Variants in CAB39L observed in about 807,000 individuals in gnomAD.
The protein encoded by CAB39L is calcium-binding protein 39-like.
A neutral mutation model predicts 39.1 loss-of-function variants in CAB39L; 23 were observed. The observed-to-expected ratio is 0.59, with a 90% confidence interval of 0.42 to 0.83. CAB39L has a LOEUF of 0.83. Ranked by LOEUF, CAB39L falls within the 40% of genes least tolerant of loss-of-function variation. The pLI is 0.00. For missense variants in CAB39L, 366 were observed against 391.9 expected, an observed-to-expected ratio of 0.93 and a Z score of 0.56; for synonymous variants, 126 against 137.2, an observed-to-expected ratio of 0.92 and a Z score of 0.57.
At chr13:49,312,817 A>C (rs1362730187) in intron 10 of CAB39L, among the ~76,000 whole-genome samples, 2 of 152,172 alleles carry the variant, frequency 1.3e-5, no homozygotes. Flanking sequence ...TAACATAACA[A>C]ATCCAGTATA....
At chr13:49,408,690 G>A (rs188624735) in intron 3 of CAB39L, among the ~76,000 whole-genome samples, 1 of 152,178 alleles carries the variant, frequency 6.6e-6, no homozygotes, top group East Asian at 1.9e-4. Flanking sequence ...AATTAGTTGG[G>A]TGTGGTGGTA....
At chr13:49,428,722 G>T (rs969373832) in intron 3 of CAB39L, among the ~76,000 whole-genome samples, 1 of 152,104 alleles carries the variant, frequency 6.6e-6, no homozygotes, top group Middle Eastern at 3.2e-3. Context: ...GGCCTGAAGA[G>T]AATAAAACAG....
intron 6 of CAB39L, among the ~76,000 whole-genome samples, chr13:49,353,693 CT>C (rs1473872682): frequency 6.6e-6 from 1 of 152,008 alleles, no homozygotes; most frequent in Non-Finnish European, 1.5e-5. Flanking sequence ...CTCTTTAACA[CT>C]TTTTTCATTC....
chr13:49,332,579 T>C (rs569991090), intron 9 of CAB39L, among the ~76,000 whole-genome samples: 4 of 152,192 alleles, frequency 2.6e-5, no homozygotes, highest in South Asian at 2.1e-4. Context: ...AGAAAAAAAA[T>C]TGACCCCAAA....
chr13:49,340,808 A>C (rs1338413503), intron 8 of CAB39L, among the ~76,000 whole-genome samples: 2 of 152,226 alleles, frequency 1.3e-5, no homozygotes, highest in Non-Finnish European at 2.9e-5. Flanking sequence ...GCATACTGCT[A>C]AAGAAATATC....
intron 10 of CAB39L, among the ~76,000 whole-genome samples, chr13:49,311,296 G>A (rs1251782767): frequency 6.6e-6 from 1 of 152,146 alleles, no homozygotes; most frequent in East Asian, 1.9e-4. Context: ...TCATGTGTCT[G>A]TGGTGATGCT....
intron 6 of CAB39L, among the ~76,000 whole-genome samples, chr13:49,352,794 T>C (rs1029115241): frequency 2.0e-5 from 3 of 152,132 alleles, no homozygotes; most frequent in African/African-American, 4.8e-5. Context: ...AGAGATATCA[T>C]TGACCATTTC....
chr13:49,426,012 T>C (rs924818487), intron 3 of CAB39L, among the ~76,000 whole-genome samples: 5 of 152,158 alleles, frequency 3.3e-5, no homozygotes, highest in African/African-American at 9.7e-5. Flanking sequence ...TCCAAACTAG[T>C]AGTGATCCTT....
At chr13:49,375,674 A>G (rs1271128121) in intron 5 of CAB39L, among the ~76,000 whole-genome samples, 1 of 152,134 alleles carries the variant, frequency 6.6e-6, no homozygotes, top group East Asian at 1.9e-4. Context: ...GAGGGATAGC[A>G]TAAGGAGATA....
intron 5 of CAB39L, among the ~76,000 whole-genome samples, chr13:49,367,214 G>A (rs372671719): frequency 6.6e-6 from 1 of 152,074 alleles, no homozygotes; most frequent in East Asian, 1.9e-4. Flanking sequence ...TAAAAGACAT[G>A]AAGACACATT....
At chr13:49,443,108 G>C (rs959204295) in intron 1 of CAB39L, among the ~76,000 whole-genome samples, 1 of 149,702 alleles carries the variant, frequency 6.7e-6, no homozygotes, top group Non-Finnish European at 1.5e-5. Context: ...AAAAGGAGGA[G>C]GGAAACAAGG....
At chr13:49,379,050 G>A (rs1845631850) in intron 4 of CAB39L, among the ~76,000 whole-genome samples, 1 of 56,148 alleles carries the variant, frequency 1.8e-5, no homozygotes, top group East Asian at 2.9e-4. Flanking sequence ...CCGGCCAGCT[G>A]CCCCGTCCGA....
chr13:49,332,146 T>C, intron 9 of CAB39L, 56 bp from the exon 10 acceptor site: 4 of 1,584,302 alleles, frequency 2.5e-6, no homozygotes, highest in Non-Finnish European at 3.4e-6. Context: ...ATTCAAAATA[T>C]AGCTCACGTC....
intron 3 of CAB39L, among the ~76,000 whole-genome samples, chr13:49,408,376 A>G (rs9526558): frequency 0.22 from 34,157 of 152,160 alleles, 3,880 homozygotes; most frequent in African/African-American, 0.23. Context: ...AGGCTTCTGG[A>G]TATAAATGCC....
intron 1 of CAB39L, among the ~76,000 whole-genome samples, 170 bp from the exon 2 acceptor site, chr13:49,434,393 TAGCATATATATATAGTGTC>T (rs1957375399): frequency 6.6e-6 from 1 of 152,216 alleles, no homozygotes; most frequent in Admixed American, 6.5e-5. Flanking sequence ...ACAAATGATA[TAGCATATATATATAGTGTC>T]AGCAAAGTGT....
At chr13:49,383,025 A>G (rs1956281852) in intron 3 of CAB39L, 84 bp from the exon 4 acceptor site, 1 of 563,096 alleles carries the variant, frequency 1.8e-6, no homozygotes, top group Non-Finnish European at 3.1e-6. Context: ...TAAGTTTTCA[A>G]TAACATGAAT....
At chr13:49,317,174 A>T (rs1447149469) in intron 10 of CAB39L, among the ~76,000 whole-genome samples, 1 of 152,182 alleles carries the variant, frequency 6.6e-6, no homozygotes, top group Non-Finnish European at 1.5e-5. Flanking sequence ...AAACCACATG[A>T]TCTTCTCAAT....
intron 6 of CAB39L, 88 bp downstream of exon 6, chr13:49,359,626 C>T (rs1955575827): frequency 3.0e-6 from 2 of 666,250 alleles, no homozygotes; most frequent in Non-Finnish European, 5.2e-6. Context: ...CAAAAGGGAA[C>T]TCATCATATC....
At position 49,376,949 on chromosome 13, in the gene CAB39L, C is replaced by T. The variant is rs979725520; in HGVS notation, c.276+18G>A. ...AAAATTGAAAAGCACCACTGACATC[C>T]TTTTACAGCTGGCTTACCTCAAAGT... On this transcript the variant is annotated intron_variant, in intron 5 of 10. Transcript: ENST00000409308. The T allele has an allele frequency of 5.8e-6, 9 of 1,549,478 alleles. No individual in the cohort carries two copies. In the Admixed American group the frequency reaches 1.3e-4, roughly 22 times the overall value.
Sources: allele counts gnomAD v4.1 joint callset (sites outside exome capture counted in the v4.1 genomes callset), GRCh38; gene constraint gnomAD v4.1.1; transcripts MANE v1.5; gene names NCBI Gene and HGNC (gene_info 2026-07-23, HGNC 2026-07-21).